The following PKD2L2 variants were observed in gnomAD, a reference collection of about 807,000 sequenced individuals.
PKD2L2 encodes the protein polycystin 2 like 2, transient receptor potential cation channel, also known as polycystin-2-like protein 2.
In PKD2L2, 67 loss-of-function variants were observed where a neutral mutation model predicts 83.9. The ratio of observed to expected loss-of-function variants is 0.80; its 90% CI spans 0.66 to 0.98. The LOEUF (loss-of-function observed/expected upper bound fraction) is 0.98. PKD2L2 is among the 50% of genes least tolerant of loss of function. The pLI is 0.00. For synonymous variants in PKD2L2, 223 were observed against 237.8 expected (o/e 0.94, Z 0.57); for missense variants, 632 against 717.2 (o/e 0.88, Z 1.36).
Position 137,940,332 on chromosome 5 carries a change from C to T in PKD2L2, c.*18-2052C>T, listed in dbSNP as rs944180168. 1.9e-6 allele frequency: 3 copies of T among 1,604,260 alleles called. No individual in the cohort carries two copies. The Admixed American group carries it at 5.1e-5, about 27-fold the overall frequency. Reference sequence around the variant, plus strand: ...TACTCCTCAAGCACTGGAACACGATCCTCTTTCTGGGCATTCCTAGGGGAG... The same window carrying T: ...TACTCCTCAAGCACTGGAACACGATTCTCTTTCTGGGCATTCCTAGGGGAG... On this transcript the variant is annotated intron_variant, in intron 14 of 14. Transcript: ENST00000508883.
At chr5:137,898,553 TG>T (rs1483630773) in intron 4 of PKD2L2, among the ~76,000 whole-genome samples, 13 of 152,272 alleles carry the variant, frequency 8.5e-5, no homozygotes, top group African/African-American at 3.1e-4. Context: ...TGGATTTTTT[TG>T]TTTTTTAGAG....
At position 137,889,630 on chromosome 5, in the gene PKD2L2, A is replaced by C. The variant is rs1323821630; in HGVS notation, c.31+108A>C. 5 of 945,934 alleles carry C rather than the reference A, an allele frequency of 5.3e-6. No individual in the cohort carries two copies. In the East Asian group the frequency reaches 1.6e-4, roughly 29 times the overall value. 58.6% of individuals were successfully genotyped at this position (945,934 alleles called of 1,614,324 possible). A position where few individuals can be genotyped will look rare whatever the true frequency, so the allele number is the denominator to read the frequency against. ...ATTCGTTTGAGAGATGTGACTGCCGACACCTTTAGCCCTCACAGCCTCCCC... is the reference window on the plus strand; with the variant it reads ...ATTCGTTTGAGAGATGTGACTGCCGCCACCTTTAGCCCTCACAGCCTCCCC... On this transcript the variant is annotated intron_variant, in intron 1 of 14. Coordinates refer to ENST00000508883, the MANE Select transcript of PKD2L2 (RefSeq NM_001300921.2).
At chr5:137,937,929 A>G (rs1760626646) in intron 14 of PKD2L2, 1 of 151,342 alleles carries the variant, frequency 6.6e-6, no homozygotes, top group South Asian at 2.1e-4. Context: ...TTTTAAGCCC[A>G]GTGGAAAAAC....
At position 137,941,813 on chromosome 5, in the gene PKD2L2, T is replaced by C. The variant is rs753708726; in HGVS notation, c.*18-571T>C. On this transcript the variant is annotated intron_variant, in intron 14 of 14. Transcript: ENST00000508883. ...AGCAGGGCCTCAGAGCATAAAGGAA[T>C]GTTTTAAAATTTTTCAGTGCTAGCA... 1.3e-4 allele frequency: 87 copies of C among 695,910 alleles called. 1 individual carries two copies. The highest frequency in any genetic ancestry group is 1.6e-4 in the Non-Finnish European group (64 of 409,514). 43.1% of individuals were successfully genotyped at this position (695,910 alleles called of 1,614,324 possible).
intron 9 of PKD2L2, 41 bp downstream of exon 9, chr5:137,921,797 A>T: frequency 2.1e-6 from 3 of 1,408,554 alleles, no homozygotes; most frequent in Non-Finnish European, 2.9e-6. Context: ...TACTTTTTAG[A>T]ATAAAAAGTA....
At chr5:137,928,668 G>C (rs942133286) in intron 12 of PKD2L2, among the ~76,000 whole-genome samples, 1 of 152,234 alleles carries the variant, frequency 6.6e-6, no homozygotes, top group Non-Finnish European at 1.5e-5. Context: ...CCGGGCTCAA[G>C]TGATCCACCC....
chr5:137,916,743 C>T (rs1249164180), intron 8 of PKD2L2, among the ~76,000 whole-genome samples: 3 of 151,934 alleles, frequency 2.0e-5, no homozygotes, highest in African/African-American at 4.8e-5. Context: ...TCCCAAAGTG[C>T]AGGGATTACA....
chr5:137,918,819 T>C (rs1312897100), intron 8 of PKD2L2, among the ~76,000 whole-genome samples: 2 of 150,588 alleles, frequency 1.3e-5, no homozygotes, highest in East Asian at 2.0e-4. Flanking sequence ...AAGTTTCCCA[T>C]GGTTCTCTTC....
At chr5:137,925,686 A>C (rs1759322405) in intron 11 of PKD2L2, among the ~76,000 whole-genome samples, 189 bp from the exon 12 acceptor site, 1 of 152,216 alleles carries the variant, frequency 6.6e-6, no homozygotes, top group Admixed American at 6.5e-5. Flanking sequence ...GTGGAACATA[A>C]ACATTTTTTT....
chr5:137,925,159 T>C (rs1759272896), intron 11 of PKD2L2, 55 bp downstream of exon 11: 3 of 1,071,886 alleles, frequency 2.8e-6, no homozygotes, highest in Non-Finnish European at 4.3e-6. Flanking sequence ...CCACATTATA[T>C]GAGAACCTTA....
At chr5:137,924,399 G>A (rs1216738417) in intron 10 of PKD2L2, among the ~76,000 whole-genome samples, 1 of 152,062 alleles carries the variant, frequency 6.6e-6, no homozygotes, top group East Asian at 1.9e-4. Flanking sequence ...CTCTGACCCC[G>A]GAAATATTCC....
intron 4 of PKD2L2, 54 bp from the exon 5 acceptor site, chr5:137,899,462 A>C: frequency 1.7e-6 from 2 of 1,183,908 alleles, no homozygotes; most frequent in Non-Finnish European, 2.5e-6. Context: ...AATTCTTAGA[A>C]TACTTCTCAG....
chr5:137,902,392 G>T (rs74846925), intron 5 of PKD2L2, among the ~76,000 whole-genome samples: 2,667 of 151,564 alleles, frequency 0.018, 58 homozygotes, highest in African/African-American at 0.059. Context: ...CACCTCTTCC[G>T]CTCTGCCACC....
At position 137,934,895 on chromosome 5, in the gene PKD2L2, G is replaced by GA. The variant is rs1273861296; in HGVS notation, c.1672-893dup. Among the ~76,000 whole-genome samples, 40 of 150,812 alleles carry GA rather than the reference G, an allele frequency of 2.7e-4. No individual in the cohort carries two copies. In the South Asian group the frequency reaches 2.7e-3, roughly 10 times the overall value. On this transcript the variant is annotated intron_variant, in intron 12 of 14. Transcript: ENST00000508883. ...GAGACTGTCACACACACACACAAAA[G>GA]AAAAAAAAATGTTGGTTTAAAGAAA...
At chr5:137,907,678 A>T (rs965708285) in intron 6 of PKD2L2, 64 bp from the exon 7 acceptor site, 74 of 948,422 alleles carry the variant, frequency 7.8e-5, no homozygotes, top group Non-Finnish European at 9.9e-5. Context: ...GTTTCCTCAT[A>T]GGCTGTAAGA....
At chr5:137,923,983 G>C (rs573501575) in intron 10 of PKD2L2, among the ~76,000 whole-genome samples, 7 of 152,136 alleles carry the variant, frequency 4.6e-5, no homozygotes, top group Admixed American at 3.3e-4. Context: ...ACCATGAAAA[G>C]AATTTGTTTC....
intron 12 of PKD2L2, among the ~76,000 whole-genome samples, chr5:137,931,314 G>C (rs1367940326): frequency 6.6e-6 from 1 of 152,004 alleles, no homozygotes; most frequent in Non-Finnish European, 1.5e-5. Context: ...CTTTGCCCTA[G>C]CAAAGAGAAA....
At chr5:137,894,131 G>A (rs903337060) in intron 3 of PKD2L2, among the ~76,000 whole-genome samples, 1 of 152,196 alleles carries the variant, frequency 6.6e-6, no homozygotes, top group African/African-American at 2.4e-5. Flanking sequence ...GATTCCATAA[G>A]TTAATGCTTG....
chr5:137,926,797 C>A (rs926298575), intron 12 of PKD2L2, among the ~76,000 whole-genome samples: 1 of 152,132 alleles, frequency 6.6e-6, no homozygotes, highest in Non-Finnish European at 1.5e-5. Context: ...AATGTTTTAA[C>A]CTGGATCAAA....
Sources: gnomAD v4.1 joint callset for allele counts (sites outside exome capture counted in the v4.1 genomes callset) on GRCh38, gnomAD v4.1.1 for gene constraint, MANE v1.5 for transcripts, NCBI Gene and HGNC (gene_info 2026-07-23, HGNC 2026-07-21) for gene names.